NEURL1B: variants seen among roughly 807,000 people sequenced by gnomAD.
NEURL1B encodes E3 ubiquitin-protein ligase NEURL1B.
A neutral mutation model predicts 37.4 loss-of-function variants in NEURL1B; 13 were observed. That is an observed-to-expected ratio of 0.35 (90% confidence interval 0.23 to 0.55). NEURL1B has a LOEUF of 0.55. Ranked by LOEUF, NEURL1B falls within the 20% of genes least tolerant of loss-of-function variation. The probability of loss-of-function intolerance (pLI) is 0.89; values close to 1 mark genes in which losing one functional copy is unlikely to be tolerated. For synonymous variants in NEURL1B, 432 were observed against 426.6 expected (o/e 1.01, Z -0.16); for missense variants, 790 against 879.2 (o/e 0.90, Z 1.28).
At chr5:172,642,291 ACT>A (rs2113246113) in intron 1 of NEURL1B, among the ~76,000 whole-genome samples, 1 of 152,162 alleles carries the variant, frequency 6.6e-6, no homozygotes, top group African/African-American at 2.4e-5. Context: ...AGGTGAAATG[ACT>A]CACCCAAGGT....
At position 172,690,249 on chromosome 5, in the gene NEURL1B, G is replaced by A. The variant is rs1057002434; in HGVS notation, c.*3324G>A. 6.6e-6 allele frequency: 1 copy of A among 152,280 alleles called. No individual in the cohort carries two copies. The highest frequency in any genetic ancestry group is 1.5e-5 in the Non-Finnish European group (1 of 68,072). 9.4% of individuals were successfully genotyped at this position (152,280 alleles called of 1,614,324 possible). ...GCAAATCCAGCTCCTTGTCCTAGCAGGTTCTCAGAACGGGGAGTCCCCTGG... is the reference window on the plus strand; with the variant it reads ...GCAAATCCAGCTCCTTGTCCTAGCAAGTTCTCAGAACGGGGAGTCCCCTGG... On this transcript the variant is annotated 3_prime_UTR_variant, in exon 5 of 5. Transcript: ENST00000369800.
rs1032907592 is a variant in NEURL1B at position 172,683,259 on chromosome 5, C to A, written c.578-160C>A. 6.6e-6 allele frequency among the ~76,000 whole-genome samples: 1 copy of A among 152,118 alleles called. No individual in the cohort carries two copies. Among genetic ancestry groups the A allele is most frequent in the African/African-American group, 2.4e-5 (1 of 41,412 alleles). On this transcript the variant is annotated intron_variant, in intron 2 of 4. Coordinates refer to ENST00000369800, the MANE Select transcript of NEURL1B (RefSeq NM_001142651.3). This position sits in a 1 kb window ranked among gnomAD's most constrained non-coding sequence, Gnocchi z 5.6. ...TGCTCCTGTGACTCACTAAATAACA[C>A]AGATGGACAAAAGGAGAGTTCGAAG...
rs1195651329 is a variant in NEURL1B, at chr5:172,657,153, C to G, written c.32-12632C>G. 6.6e-6 allele frequency among the ~76,000 whole-genome samples: 1 copy of G among 152,194 alleles called. No homozygotes were observed. Among genetic ancestry groups the G allele is most frequent in the African/African-American group, 2.4e-5 (1 of 41,440 alleles). On this transcript the variant is annotated intron_variant, in intron 1 of 4. Transcript: ENST00000369800. The surrounding 1 kb of genome is among the most constrained non-coding windows in gnomAD (Gnocchi z 4.0). ...ATTCAGACCTGAGTCGAATCCTCAC[C>G]GTGCTGTTTATCTGCCTCATGAACT...
At position 172,676,392 on chromosome 5, in the gene NEURL1B, C is replaced by A. The variant is rs1758233261; in HGVS notation, c.577+6062C>A. ...CTTGCATCCCACGAGCTTAACAAAT[C>A]CAACAGAAGAGCTGCTTTCCTAGAA... is the stretch of plus-strand genomic sequence containing the variant. On this transcript the variant is annotated intron_variant, in intron 2 of 4. Coordinates refer to ENST00000369800, the MANE Select transcript of NEURL1B (RefSeq NM_001142651.3). This position sits in a 1 kb window ranked among gnomAD's most constrained non-coding sequence, Gnocchi z 4.5. 6.6e-6 allele frequency among the ~76,000 whole-genome samples: 1 copy of A among 152,236 alleles called. No homozygotes were observed. Among genetic ancestry groups the A allele is most frequent in the East Asian group, 1.9e-4 (1 of 5,204 alleles).
chr5:172,683,936 CAA>C lies in NEURL1B; in HGVS notation c.1097_1098del (p.Lys366ArgfsTer89). On this transcript the variant is annotated frameshift_variant, in exon 3 of 5. Coordinates refer to ENST00000369800, the MANE Select transcript of NEURL1B (RefSeq NM_001142651.3). LOFTEE classifies it high-confidence loss of function. The surrounding 1 kb of genome is among the most constrained non-coding windows in gnomAD (Gnocchi z 5.6). ...PADPDALLDR[K>X]EYWVVARAGP... The stretch of plus-strand genomic sequence containing the variant: ...CCGACCCAGACGCGCTGCTCGACCG[CAA>C]AGAGTACTGGGTGGTGGCGCGCGCC... 2.1e-6 allele frequency: 3 copies of C among 1,404,588 alleles called. No homozygotes were observed. The highest frequency in any genetic ancestry group is 2.8e-6 in the Non-Finnish European group (3 of 1,073,818). The allele number at this position is 1,404,588 out of a possible 1,614,324, so 87.0% of individuals were successfully genotyped here.
At position 172,655,219 on chromosome 5, in the gene NEURL1B, G is replaced by A. The variant is rs572681844; in HGVS notation, c.31+13782G>A. ...CAACCCCTCAAACCAGGGATGTCTC[G>A]CCTTGCCTGTCCCGGAAGTCTCAAC... On this transcript the variant is annotated intron_variant, in intron 1 of 4. Coordinates refer to ENST00000369800, the MANE Select transcript of NEURL1B (RefSeq NM_001142651.3). Among the ~76,000 whole-genome samples the A allele has an allele frequency of 1.3e-3, 203 of 151,992 alleles. 1 individual carries two copies. The highest frequency in any genetic ancestry group is 2.6e-3 in the Non-Finnish European group (176 of 67,948).
intron 2 of NEURL1B, among the ~76,000 whole-genome samples, chr5:172,673,540 C>G (rs1441243801): frequency 6.6e-6 from 1 of 152,010 alleles, no homozygotes; most frequent in Non-Finnish European, 1.5e-5. Context: ...GTAGGGTTGT[C>G]AAATCAAGCA....
chr5:172,670,355 T>G, intron 2 of NEURL1B, 25 bp downstream of exon 2: 2 of 1,339,866 alleles, frequency 1.5e-6, no homozygotes, highest in Non-Finnish European at 1.9e-6. Flanking sequence ...CGGCGCCCCC[T>G]GGGGACCTGG....
rs114173617 is a variant in NEURL1B, at chr5:172,666,675, G to A, written c.32-3110G>A. 1.8e-3 allele frequency among the ~76,000 whole-genome samples: 267 copies of A among 152,290 alleles called. 1 individual carries two copies. Among genetic ancestry groups the A allele is most frequent in the African/African-American group, 6.1e-3 (254 of 41,560 alleles). On this transcript the variant is annotated intron_variant, in intron 1 of 4. Transcript: ENST00000369800. ...TACTGGGCAGGCAGAAACAGCAGGT[G>A]CCCCCATGACTAACTGTAGGTGGGA...
chr5:172,690,531 CGT>C lies in NEURL1B; in HGVS notation c.*3610_*3611del, dbSNP rs1758627041. ...AGAAACATTTGCTGAGTACCTAGTA[CGT>C]GTGAGGTGCTGTGAGGATAGAGCAG... On this transcript the variant is annotated 3_prime_UTR_variant, in exon 5 of 5. Transcript: ENST00000369800. 6.6e-6 allele frequency: 1 copy of C among 152,206 alleles called. No individual in the cohort carries two copies. The highest frequency in any genetic ancestry group is 1.5e-5 in the Non-Finnish European group (1 of 68,064). 9.4% of individuals were successfully genotyped at this position (152,206 alleles called of 1,614,324 possible).
At chr5:172,642,632 C>T (rs1240042878) in intron 1 of NEURL1B, among the ~76,000 whole-genome samples, 1 of 152,220 alleles carries the variant, frequency 6.6e-6, no homozygotes. Flanking sequence ...TTGAAGTGGA[C>T]AGTGCTGAGC....
In NEURL1B at chr5:172,646,867, T is replaced by G. The variant is rs561940587; in HGVS notation, c.31+5430T>G. On this transcript the variant is annotated intron_variant, in intron 1 of 4. Coordinates refer to ENST00000369800, the MANE Select transcript of NEURL1B (RefSeq NM_001142651.3). ...CCTGAGGGAGGGGGAGCAGCACAGG[T>G]GTGGGGGGCTGTGGAGTTCTGAGGA... Among the ~76,000 whole-genome samples the G allele has an allele frequency of 2.1e-3, 257 of 123,204 alleles. 1 individual carries two copies. The highest frequency in any genetic ancestry group is 3.6e-3 in the Non-Finnish European group (212 of 58,620). 80.8% of individuals were successfully genotyped at this position (123,204 alleles called of 152,430 possible).
intron 3 of NEURL1B, among the ~76,000 whole-genome samples, chr5:172,684,719 G>A (rs1026221880): frequency 1.3e-5 from 2 of 152,166 alleles, no homozygotes; most frequent in Admixed American, 1.3e-4. Context: ...CACCAGCTGT[G>A]GGCCGGGCCC....
At chr5:172,644,736 T>C (rs1757530149) in intron 1 of NEURL1B, among the ~76,000 whole-genome samples, 1 of 152,220 alleles carries the variant, frequency 6.6e-6, no homozygotes, top group South Asian at 2.1e-4. Flanking sequence ...AAAGCTGGGC[T>C]TAAAAGACTG....
chr5:172,647,276 G>T lies in NEURL1B; in HGVS notation c.31+5839G>T, dbSNP rs1315541577. On this transcript the variant is annotated intron_variant, in intron 1 of 4. Coordinates refer to ENST00000369800, the MANE Select transcript of NEURL1B (RefSeq NM_001142651.3). This position sits in a 1 kb window ranked among gnomAD's most constrained non-coding sequence, Gnocchi z 4.2. ...GAGGGAGGGCGCCAGGTCGCAGCCC[G>T]ACAGGTAGCACACGCTCACCTGGGC... Among the ~76,000 whole-genome samples, 1 of 152,144 alleles carries T rather than the reference G, an allele frequency of 6.6e-6. No homozygotes were observed. Among genetic ancestry groups the T allele is most frequent in the African/African-American group, 2.4e-5 (1 of 41,422 alleles).
At chr5:172,672,540 T>TCCCCCC (rs9313602) in intron 2 of NEURL1B, among the ~76,000 whole-genome samples, 9 of 136,286 alleles carry the variant, frequency 6.6e-5, no homozygotes, top group South Asian at 5.1e-4. Context: ...AGGTGAACTC[T>TCCCCCC]CCCCCCCCCA....
rs1416162434 is a variant in NEURL1B, at chr5:172,656,611, C to G, written c.32-13174C>G. ...AGCTCCTCGAGTTTCTTCTGCTCCT[C>G]TTTTTGTTTCTGCTTGAAAGCCTTA... is the stretch of plus-strand genomic sequence containing the variant. On this transcript the variant is annotated intron_variant, in intron 1 of 4. Transcript: ENST00000369800. 2.5e-6 allele frequency: 4 copies of G among 1,610,274 alleles called. No individual in the cohort carries two copies. In the African/African-American group the frequency reaches 5.3e-5, roughly 22 times the overall value.
At chr5:172,645,607 C>G (rs1298523165) in intron 1 of NEURL1B, among the ~76,000 whole-genome samples, 1 of 152,172 alleles carries the variant, frequency 6.6e-6, no homozygotes, top group Admixed American at 6.5e-5. Context: ...CTCTTTCTAC[C>G]TCTCCTCCCC....
chr5:172,664,231 C>T (rs542617923), intron 1 of NEURL1B, among the ~76,000 whole-genome samples: 1 of 152,230 alleles, frequency 6.6e-6, no homozygotes, highest in South Asian at 2.1e-4. Context: ...AGGCTGGGGT[C>T]ATATCTCAAC....
Sources: allele counts gnomAD v4.1 joint callset (sites outside exome capture counted in the v4.1 genomes callset), GRCh38; gene constraint gnomAD v4.1.1; non-coding constraint Gnocchi (gnomAD v3.1); transcripts MANE v1.5; gene names NCBI Gene and HGNC (gene_info 2026-07-23, HGNC 2026-07-21).